Variants in OSER1 observed in about 807,000 individuals in gnomAD.
The protein encoded by OSER1 is oxidative stress-responsive serine-rich protein 1.
OSER1 carries 15 observed loss-of-function variants against 26.3 expected under a neutral mutation model. The ratio of observed to expected loss-of-function variants is 0.57; its 90% CI spans 0.38 to 0.88. The LOEUF (loss-of-function observed/expected upper bound fraction) is 0.88, where lower values mean the gene tolerates loss of function less well. Ranked by LOEUF, OSER1 falls within the 40% of genes least tolerant of loss-of-function variation. The pLI, the probability that OSER1 is intolerant of heterozygous loss-of-function variation, is 0.00. For synonymous variants in OSER1, 127 were observed against 128.2 expected (o/e 0.99, Z 0.07); for missense variants, 313 against 353.9 (o/e 0.88, Z 0.93).
Position 44,197,659 on chromosome 20 carries a change from T to G in OSER1, c.272A>C (p.Lys91Thr). Residue 91 changes from lysine (K) to threonine (T), a missense_variant, in exon 4 of 4, where the codon AAG becomes ACG. Transcript: ENST00000255174. ...RSKSPVLHPPKFIHCSTIASS... is the reference protein window; with the variant it reads ...RSKSPVLHPPTFIHCSTIASS... ...CGCTATTGTACTGCAATGTATAAAC[T>G]TTGGAGGATGAAGGACAGGAGACTT... The G allele has an allele frequency of 6.2e-7, 1 of 1,614,022 alleles. No individual in the cohort carries two copies. The highest frequency in any genetic ancestry group is 8.5e-7 in the Non-Finnish European group (1 of 1,179,892).
intron 3 of OSER1, among the ~76,000 whole-genome samples, chr20:44,201,461 A>C (rs1011792231): frequency 3.9e-5 from 6 of 152,226 alleles, no homozygotes; most frequent in African/African-American, 1.4e-4. Context: ...CTATTTACTA[A>C]TAATAAACCT....
intron 1 of OSER1, chr20:44,210,165 A>G (rs1292390888): frequency 6.6e-6 from 1 of 152,486 alleles, no homozygotes; most frequent in East Asian, 1.9e-4. Flanking sequence ...CGGGGCTTGG[A>G]GTGTGGGGAC....
chr20:44,203,361 T>A (rs557685683), intron 2 of OSER1, among the ~76,000 whole-genome samples: 8 of 152,326 alleles, frequency 5.3e-5, no homozygotes, highest in African/African-American at 1.4e-4. Flanking sequence ...TCAGGCCTTA[T>A]GGCCAGAGAA....
At chr20:44,202,553 A>C (rs2072994086) in intron 3 of OSER1, among the ~76,000 whole-genome samples, 1 of 152,218 alleles carries the variant, frequency 6.6e-6, no homozygotes, top group South Asian at 2.1e-4. Context: ...AAATAACCTC[A>C]AGATACATAA....
At chr20:44,203,693 T>TACAC (rs1569240061) in intron 2 of OSER1, among the ~76,000 whole-genome samples, 1 of 75,618 alleles carries the variant, frequency 1.3e-5, no homozygotes, top group Non-Finnish European at 2.4e-5. Flanking sequence ...CCAGACTTTT[T>TACAC]TCACACACAC....
chr20:44,208,725 C>A (rs1215307522), intron 1 of OSER1, among the ~76,000 whole-genome samples: 1 of 152,174 alleles, frequency 6.6e-6, no homozygotes, highest in Non-Finnish European at 1.5e-5. Context: ...ATCCTTCCTG[C>A]TGGTAGAACT....
intron 1 of OSER1, among the ~76,000 whole-genome samples, chr20:44,208,012 G>C (rs1484866299): frequency 6.6e-6 from 1 of 152,030 alleles, no homozygotes; most frequent in Non-Finnish European, 1.5e-5. Context: ...GAACATATCA[G>C]AGAGAATCAG....
Position 44,197,655 on chromosome 20 carries a change from A to G in OSER1, c.276T>C (p.Phe92=). 6.2e-7 allele frequency: 1 copy of G among 1,614,122 alleles called. No individual in the cohort carries two copies. Among genetic ancestry groups the G allele is most frequent in the Non-Finnish European group, 8.5e-7 (1 of 1,179,950 alleles). The change falls in exon 4 of 4, where the codon TTT becomes TTC. Residue 92 remains phenylalanine, a synonymous_variant. Transcript: ENST00000255174. ...SKSPVLHPPK[F]IHCSTIASSS... is the part of the protein sequence containing the mutation. ...AAGACGCTATTGTACTGCAATGTAT[A>G]AACTTTGGAGGATGAAGGACAGGAG...
At chr20:44,206,613 TG>T (rs143351480) in intron 2 of OSER1, among the ~76,000 whole-genome samples, 1 of 151,986 alleles carries the variant, frequency 6.6e-6, no homozygotes, top group Non-Finnish European at 1.5e-5. Context: ...TAAAAAGAAG[TG>T]GGGGGGAAGC....
At chr20:44,204,990 A>C (rs1254192605) in intron 2 of OSER1, among the ~76,000 whole-genome samples, 1 of 152,048 alleles carries the variant, frequency 6.6e-6, no homozygotes, top group African/African-American at 2.4e-5. Context: ...GGCACGCACC[A>C]CCATGCCTAG....
chr20:44,204,386 C>T (rs2073018531), intron 2 of OSER1, among the ~76,000 whole-genome samples: 1 of 152,210 alleles, frequency 6.6e-6, no homozygotes, highest in Admixed American at 6.5e-5. Flanking sequence ...TCTGCTTAGT[C>T]ATGCTAATGA....
chr20:44,207,019 A>G lies in OSER1; in HGVS notation c.-41-21T>C, dbSNP rs938421016. 8.0e-6 allele frequency: 10 copies of G among 1,244,256 alleles called. No individual in the cohort carries two copies. In the African/African-American group the frequency reaches 1.0e-4, roughly 13 times the overall value. 77.1% of individuals were successfully genotyped at this position (1,244,256 alleles called of 1,614,324 possible). A position where few individuals can be genotyped will look rare whatever the true frequency, so the allele number is the denominator to read the frequency against. ...TTACACTAAAAAAGAAAATAAAGTG[A>G]GCAAAGTAAAAACAGGTGGGATCAA... On this transcript the variant is annotated intron_variant, in intron 1 of 3. Coordinates refer to ENST00000255174, the MANE Select transcript of OSER1 (RefSeq NM_016470.8).
intron 3 of OSER1, among the ~76,000 whole-genome samples, chr20:44,201,017 A>G (rs887758935): frequency 1.4e-5 from 2 of 138,666 alleles, no homozygotes; most frequent in Non-Finnish European, 3.0e-5. Flanking sequence ...ACATTTTCAG[A>G]TAAATGAAAG....
chr20:44,209,611 TAAAGTC>T (rs2073076840), intron 1 of OSER1, among the ~76,000 whole-genome samples: 1 of 139,936 alleles, frequency 7.1e-6, no homozygotes, highest in Non-Finnish European at 1.5e-5. Context: ...TATTCGAAGT[TAAAGTC>T]AAATCACACC....
intron 1 of OSER1, among the ~76,000 whole-genome samples, chr20:44,208,236 T>C (rs1360955621): frequency 6.6e-6 from 1 of 151,464 alleles, no homozygotes; most frequent in Non-Finnish European, 1.5e-5. Context: ...GTGAGACCTC[T>C]AATATTCCAA....
intron 2 of OSER1, among the ~76,000 whole-genome samples, chr20:44,205,134 C>A (rs76805390): frequency 6.6e-6 from 1 of 152,200 alleles, no homozygotes; most frequent in Non-Finnish European, 1.5e-5. Flanking sequence ...CATGCCCGGC[C>A]TGGCTTTATT....
At position 44,197,342 on chromosome 20, in the gene OSER1, A is replaced by G; in HGVS notation, c.589T>C (p.Cys197Arg). 1.2e-6 allele frequency: 2 copies of G among 1,614,248 alleles called. No homozygotes were observed. The highest frequency in any genetic ancestry group is 1.3e-5 in the African/African-American group (1 of 75,076). Residue 197 changes from cysteine to arginine, a missense_variant, in exon 4 of 4, where the codon TGC (cysteine) becomes CGC (arginine). Cys to Arg is a radical substitution (Grantham distance 180). Around this residue, in one of 2 missense-constraint regions of OSER1, gnomAD observed 300 missense variants for 318.3 expected, o/e 0.94. Coordinates refer to ENST00000255174, the MANE Select transcript of OSER1 (RefSeq NM_016470.8). ...TGGCATTCCTTGCCTATGCATGTGCATGGCTTGCCCTGGTTTAGCTTGGAA... is the reference window on the plus strand; with the variant it reads ...TGGCATTCCTTGCCTATGCATGTGCGTGGCTTGCCCTGGTTTAGCTTGGAA... ...SVSKLNQGKP[C>R]TCIGKECQCK...
chr20:44,211,117 C>T (rs2073103443), upstream of OSER1: 1 of 152,430 alleles, frequency 6.6e-6, no homozygotes, highest in African/African-American at 2.4e-5. Flanking sequence ...AGTCCTCTGC[C>T]TCCACCGCCC....
At chr20:44,205,420 A>C (rs1247472808) in intron 2 of OSER1, among the ~76,000 whole-genome samples, 1 of 152,238 alleles carries the variant, frequency 6.6e-6, no homozygotes, top group Non-Finnish European at 1.5e-5. Context: ...GAAAACCATC[A>C]GGAGGAAAGA....
Sources: gnomAD v4.1 joint callset for allele counts (sites outside exome capture counted in the v4.1 genomes callset) on GRCh38, gnomAD v4.1.1 for gene constraint, gnomAD v4.1.1 regional missense constraint, MANE v1.5 for transcripts, NCBI Gene and HGNC (gene_info 2026-07-23, HGNC 2026-07-21) for gene names.